The following SRGAP1 variants were observed in gnomAD, a reference collection of about 807,000 sequenced individuals.
The protein encoded by SRGAP1 is SLIT-ROBO Rho GTPase-activating protein 1.
SRGAP1 carries 43 observed loss-of-function variants against 121.9 expected under a neutral mutation model. The ratio of observed to expected loss-of-function variants is 0.35; its 90% CI spans 0.28 to 0.46. The LOEUF is 0.46. Ranked by LOEUF, SRGAP1 falls within the 20% of genes least tolerant of loss-of-function variation. The pLI is 1.00. For synonymous variants in SRGAP1, 447 were observed against 485.4 expected (o/e 0.92, Z 1.04); for missense variants, 1,102 against 1,350.9 (o/e 0.82, Z 2.89).
intron 1 of SRGAP1, among the ~76,000 whole-genome samples, chr12:63,871,532 G>GA (rs760664021): frequency 6.6e-6 from 1 of 152,170 alleles, no homozygotes; most frequent in Admixed American, 6.5e-5. Context: ...CAGCTCTTAG[G>GA]ACAGTCATCA....
At chr12:63,993,390 G>A (rs1345423726) in intron 3 of SRGAP1, among the ~76,000 whole-genome samples, 1 of 152,134 alleles carries the variant, frequency 6.6e-6, no homozygotes, top group East Asian at 1.9e-4. Context: ...TTCTTCCATT[G>A]TTATGGTTCT....
At chr12:63,877,127 A>C (rs985194243) in intron 1 of SRGAP1, among the ~76,000 whole-genome samples, 1 of 152,192 alleles carries the variant, frequency 6.6e-6, no homozygotes, top group Admixed American at 6.5e-5. Context: ...TGGGAGACTG[A>C]AGCAGCAGAA....
chr12:64,031,438 A>G (rs771355352), intron 4 of SRGAP1, among the ~76,000 whole-genome samples: 15 of 152,156 alleles, frequency 9.9e-5, no homozygotes, highest in Non-Finnish European at 1.9e-4. Context: ...ATTTGAAATC[A>G]TGGATTCAAT....
At chr12:64,115,537 A>G (rs2036504390) in intron 17 of SRGAP1, among the ~76,000 whole-genome samples, 1 of 152,158 alleles carries the variant, frequency 6.6e-6, no homozygotes, top group Non-Finnish European at 1.5e-5. Context: ...AGGCAGGAGG[A>G]TCAATTAAGC....
intron 1 of SRGAP1, among the ~76,000 whole-genome samples, chr12:63,958,281 A>G (rs1260047896): frequency 6.6e-6 from 1 of 152,072 alleles, no homozygotes; most frequent in Non-Finnish European, 1.5e-5. Context: ...TCCTGGCCCC[A>G]TCCTCAGAGT....
intron 14 of SRGAP1, 106 bp downstream of exon 14, chr12:64,095,310 A>G: frequency 6.6e-6 from 6 of 904,442 alleles, no homozygotes; most frequent in Non-Finnish European, 1.0e-5. Flanking sequence ...CTTTCTTTGT[A>G]TGTACTGCAT....
chr12:64,052,209 C>A (rs1198706415), intron 6 of SRGAP1, among the ~76,000 whole-genome samples: 1 of 152,088 alleles, frequency 6.6e-6, no homozygotes, highest in Admixed American at 6.6e-5. Context: ...AGGGAAGGAA[C>A]TGTGACTGGG....
At chr12:64,078,818 C>T in intron 8 of SRGAP1, 101 bp from the exon 9 acceptor site, 3 of 1,212,498 alleles carry the variant, frequency 2.5e-6, no homozygotes, top group Non-Finnish European at 3.5e-6. Context: ...TTGGCGGGGG[C>T]AGGCCCTGTG....
chr12:63,958,088 G>C (rs1190391743), intron 1 of SRGAP1, among the ~76,000 whole-genome samples: 1 of 151,680 alleles, frequency 6.6e-6, no homozygotes, highest in Admixed American at 6.6e-5. Flanking sequence ...GAGATACTGG[G>C]ATGGGTATAT....
intron 10 of SRGAP1, chr12:64,082,001 C>CTTTTTTTTGTTTTTT (rs2035853383): frequency 3.0e-5 from 2 of 66,124 alleles, no homozygotes; most frequent in African/African-American, 6.5e-5. Context: ...CATGTAAGGT[C>CTTTTTTTTGTTTTTT]TTTTTTTTTT....
At position 63,878,510 on chromosome 12, in the gene SRGAP1, G is replaced by A. The variant is rs189873574; in HGVS notation, c.67+33627G>A. Among the ~76,000 whole-genome samples the A allele has an allele frequency of 4.6e-5, 7 of 152,262 alleles. No individual in the cohort carries two copies. In the East Asian group the frequency reaches 5.8e-4, roughly 13 times the overall value. On this transcript the variant is annotated intron_variant, in intron 1 of 21. Coordinates refer to ENST00000355086, the MANE Select transcript of SRGAP1 (RefSeq NM_020762.4). ...TTACTTCATTCCTCTATTCGTGTGCGTGTGCATGTTTGTGTTTGTGTGTGT... is the reference window on the plus strand; with the variant it reads ...TTACTTCATTCCTCTATTCGTGTGCATGTGCATGTTTGTGTTTGTGTGTGT...
intron 15 of SRGAP1, among the ~76,000 whole-genome samples, chr12:64,099,251 T>C (rs2036216864): frequency 6.6e-6 from 1 of 152,022 alleles, no homozygotes; most frequent in South Asian, 2.1e-4. Context: ...CATCATAGGG[T>C]TGTGAGAATT....
At chr12:63,922,484 T>C (rs2031099037) in intron 1 of SRGAP1, among the ~76,000 whole-genome samples, 1 of 152,240 alleles carries the variant, frequency 6.6e-6, no homozygotes, top group Non-Finnish European at 1.5e-5. Context: ...ACTTAGCATG[T>C]TACCTCACAA....
At chr12:63,921,260 G>A (rs61933125) in intron 1 of SRGAP1, among the ~76,000 whole-genome samples, 22,432 of 152,122 alleles carry the variant, frequency 0.15, 2,266 homozygotes, top group African/African-American at 0.28. Context: ...GAGTGCTGTC[G>A]TAATCTCCTA....
At chr12:63,883,258 G>A (rs1005726850) in intron 1 of SRGAP1, among the ~76,000 whole-genome samples, 1 of 152,204 alleles carries the variant, frequency 6.6e-6, no homozygotes, top group African/African-American at 2.4e-5. Context: ...CTGTTTATAT[G>A]TTTCAGTTGG....
intron 2 of SRGAP1, among the ~76,000 whole-genome samples, chr12:63,986,830 A>G (rs1214681405): frequency 6.6e-6 from 1 of 152,202 alleles, no homozygotes; most frequent in Non-Finnish European, 1.5e-5. Flanking sequence ...CCCATGGTGG[A>G]TGGACACGTT....
In SRGAP1 at chr12:64,043,038, C is replaced by G. The variant is rs1043084835; in HGVS notation, c.672+66C>G. 9 of 1,067,696 alleles carry G rather than the reference C, an allele frequency of 8.4e-6. No homozygotes were observed. The African/African-American group carries it at 1.1e-4, about 13-fold the overall frequency. The allele number at this position is 1,067,696 out of a possible 1,614,324, so 66.1% of individuals were successfully genotyped here. A position where few individuals can be genotyped will look rare whatever the true frequency, so the allele number is the denominator to read the frequency against. On this transcript the variant is annotated intron_variant, in intron 5 of 21. Coordinates refer to ENST00000355086, the MANE Select transcript of SRGAP1 (RefSeq NM_020762.4). ...GGAGACAATACTAAGAACACTGATG[C>G]AATAGCTGATATCCACACATTGTAA... is the stretch of plus-strand genomic sequence containing the variant.
chr12:64,040,881 A>G (rs1355250771), intron 4 of SRGAP1, among the ~76,000 whole-genome samples: 1 of 152,226 alleles, frequency 6.6e-6, no homozygotes, highest in African/African-American at 2.4e-5. Flanking sequence ...AAAAATGTGC[A>G]TATTCTCTAA....
At chr12:64,008,151 A>G (rs757103928) in intron 3 of SRGAP1, among the ~76,000 whole-genome samples, 9 of 152,156 alleles carry the variant, frequency 5.9e-5, no homozygotes, top group Non-Finnish European at 1.3e-4. Context: ...ATCTTTCCCT[A>G]TTTTACAGCG....
Sources: allele counts gnomAD v4.1 joint callset (sites outside exome capture counted in the v4.1 genomes callset), GRCh38; gene constraint gnomAD v4.1.1; transcripts MANE v1.5; gene names NCBI Gene and HGNC (gene_info 2026-07-23, HGNC 2026-07-21).